Variants in FH observed in about 807,000 individuals in gnomAD.
The protein encoded by FH is fumarate hydratase, mitochondrial.
FH carries 22 observed loss-of-function variants against 49.4 expected under a neutral mutation model. The ratio of observed to expected loss-of-function variants is 0.45; its 90% CI spans 0.32 to 0.64. The LOEUF is 0.64. FH is among the 30% of genes least tolerant of loss of function. FH has a pLI of 0.05. For missense variants in FH, 526 were observed against 641.5 expected, an observed-to-expected ratio of 0.82 and a Z score of 1.95; for synonymous variants, 208 against 223.0, an observed-to-expected ratio of 0.93 and a Z score of 0.60.
intron 8 of FH, 41 bp downstream of exon 8, chr1:241,502,402 C>T: frequency 1.9e-6 from 3 of 1,611,938 alleles, no homozygotes; most frequent in South Asian, 1.1e-5. Context: ...AGATAATAAG[C>T]CTTTGGTCAA....
chr1:241,505,071 G>A (rs149191531), intron 6 of FH, among the ~76,000 whole-genome samples: 455 of 151,544 alleles, frequency 3.0e-3, no homozygotes, highest in African/African-American at 0.01. Flanking sequence ...ACCATGCCCG[G>A]CTAATTTTTT....
In FH at chr1:241,506,043, G is replaced by C. The variant is rs1208038814; in HGVS notation, c.864C>G (p.Gly288=). ...AVGTGLNTRI[G]FAEKVAAKVA... is the part of the protein sequence containing the mutation. ...CTTTTGCAGCAACCTTTTCTGCAAAGCCAATTCTAGTATTTAAACCTGTAC... is the reference window on the plus strand; with the variant it reads ...CTTTTGCAGCAACCTTTTCTGCAAACCCAATTCTAGTATTTAAACCTGTAC... Residue 288 remains glycine, a synonymous_variant, in exon 6 of 10, where the codon GGC becomes GGG. Transcript: ENST00000366560. 6.2e-7 allele frequency: 1 copy of C among 1,614,006 alleles called. No homozygotes were observed.
intron 1 of FH, among the ~76,000 whole-genome samples, chr1:241,517,757 G>A (rs1407412076): frequency 6.6e-6 from 1 of 151,892 alleles, no homozygotes; most frequent in African/African-American, 2.4e-5. Context: ...TATTACATAT[G>A]TATATTCATT....
At chr1:241,501,524 C>G (rs1659779700) in intron 8 of FH, among the ~76,000 whole-genome samples, 1 of 152,098 alleles carries the variant, frequency 6.6e-6, no homozygotes, top group Admixed American at 6.6e-5. Flanking sequence ...GATATACATT[C>G]CATGAGAGCA....
chr1:241,519,559 G>C (rs1282672702), intron 1 of FH, 32 bp downstream of exon 1: 4 of 1,542,752 alleles, frequency 2.6e-6, no homozygotes, highest in East Asian at 2.5e-5. Context: ...AGGTCACTGC[G>C]GGGAGGCCGG....
At chr1:241,511,937 AC>A in intron 4 of FH, 29 bp downstream of exon 4, 1 of 1,610,644 alleles carries the variant, frequency 6.2e-7, no homozygotes, top group South Asian at 1.1e-5. Context: ...TCAATTTATA[AC>A]CAAAAAACAG....
chr1:241,516,643 CTTAAAA>C (rs1425399718), intron 2 of FH, among the ~76,000 whole-genome samples: 5 of 143,422 alleles, frequency 3.5e-5, no homozygotes, highest in African/African-American at 1.2e-4. Context: ...TATCCCGGAA[CTTAAAA>C]TTAAATTAAT....
intron 4 of FH, among the ~76,000 whole-genome samples, chr1:241,509,042 T>C (rs1457014619): frequency 6.7e-6 from 1 of 148,736 alleles, no homozygotes; most frequent in African/African-American, 2.4e-5. Flanking sequence ...ATGTATTACG[T>C]ATTATATTAT....
intron 9 of FH, among the ~76,000 whole-genome samples, chr1:241,499,891 CT>C (rs1338815275): frequency 6.6e-6 from 1 of 152,164 alleles, no homozygotes; most frequent in East Asian, 1.9e-4. Flanking sequence ...CCAAAAAAGA[CT>C]TATAATACAA....
chr1:241,503,559 C>T (rs1048893099), intron 7 of FH, among the ~76,000 whole-genome samples: 6 of 152,212 alleles, frequency 3.9e-5, no homozygotes, highest in Non-Finnish European at 8.8e-5. Flanking sequence ...GAAGTCACTT[C>T]ATTAGTCACT....
intron 8 of FH, among the ~76,000 whole-genome samples, chr1:241,501,320 G>A (rs1423954263): frequency 1.3e-5 from 2 of 152,092 alleles, no homozygotes; most frequent in Non-Finnish European, 2.9e-5. Flanking sequence ...TGCTACTAAT[G>A]ACCTTGTAAT....
intron 1 of FH, chr1:241,519,331 G>T: frequency 2.3e-6 from 1 of 432,076 alleles, no homozygotes. Context: ...AGGAGGCGCC[G>T]GGAGCGGGCC....
At chr1:241,506,843 T>C (rs575671037) in intron 5 of FH, among the ~76,000 whole-genome samples, 1 of 152,254 alleles carries the variant, frequency 6.6e-6, no homozygotes, top group East Asian at 1.9e-4. Context: ...AGAATTTATG[T>C]TTTGAACACA....
rs1660241142 is a variant in FH, at chr1:241,517,210, T to G, written c.239A>C (p.Lys80Thr). 6 of 1,614,188 alleles carry G rather than the reference T, an allele frequency of 3.7e-6. No individual in the cohort carries two copies. Among genetic ancestry groups the G allele is most frequent in the Non-Finnish European group, 5.1e-6 (6 of 1,180,036 alleles). ...CATGCGTTCTGTCACACCTCCAATC[T>G]TAAAGTTCATCGTAGATCTCACGGT... ...AQTVRSTMNF[K>T]IGGVTERMPT... Residue 80 changes from lysine (K) to threonine (T), a missense_variant, in exon 2 of 10, where the codon AAG (lysine) becomes ACG (threonine). Coordinates refer to ENST00000366560, the MANE Select transcript of FH (RefSeq NM_000143.4).
At chr1:241,515,162 A>C (rs1229407982) in intron 2 of FH, among the ~76,000 whole-genome samples, 4 of 152,170 alleles carry the variant, frequency 2.6e-5, no homozygotes, top group Non-Finnish European at 5.9e-5. Context: ...GTTGAGTTTA[A>C]TCATACTACT....
At chr1:241,510,311 A>T (rs545885028) in intron 4 of FH, among the ~76,000 whole-genome samples, 1 of 152,360 alleles carries the variant, frequency 6.6e-6, no homozygotes, top group East Asian at 1.9e-4. Flanking sequence ...TTAAAGTACC[A>T]GGAAGTCGGA....
At chr1:241,516,196 T>A (rs1187326229) in intron 2 of FH, among the ~76,000 whole-genome samples, 2 of 152,084 alleles carry the variant, frequency 1.3e-5, no homozygotes, top group Admixed American at 6.5e-5. Flanking sequence ...GAAAAGACAA[T>A]CATTTAGTTC....
intron 9 of FH, among the ~76,000 whole-genome samples, chr1:241,498,729 ATATATATATATATG>A (rs1558395778): frequency 2.5e-5 from 2 of 81,492 alleles, no homozygotes; most frequent in Non-Finnish European, 5.3e-5. Flanking sequence ...ATATATATAT[ATATATATATATATG>A]TCAAGAAGAA....
chr1:241,499,940 C>T (rs1427051296), intron 9 of FH, among the ~76,000 whole-genome samples: 2 of 152,132 alleles, frequency 1.3e-5, no homozygotes, highest in Non-Finnish European at 2.9e-5. Context: ...ATTTTCCTTC[C>T]TCCCTTTCAC....
Sources: gnomAD v4.1 joint callset for allele counts (sites outside exome capture counted in the v4.1 genomes callset) on GRCh38, gnomAD v4.1.1 for gene constraint, MANE v1.5 for transcripts, NCBI Gene and HGNC (gene_info 2026-07-23, HGNC 2026-07-21) for gene names.